Variants in CADPS2 observed in about 807,000 individuals in gnomAD.
CADPS2 encodes calcium-dependent secretion activator 2.
In CADPS2, 93 loss-of-function variants were observed where a neutral mutation model predicts 172.5. The observed-to-expected ratio is 0.54, with a 90% CI of 0.46 to 0.64. CADPS2 has a LOEUF of 0.64. CADPS2 is among the 30% of genes least tolerant of loss of function. The pLI, the probability that CADPS2 is intolerant of heterozygous loss-of-function variation, is 0.00. For synonymous variants in CADPS2, 546 were observed against 555.2 expected, an observed-to-expected ratio of 0.98 and a Z score of 0.23; for missense variants, 1,420 against 1,565.9, an observed-to-expected ratio of 0.91 and a Z score of 1.57.
chr7:122,617,815 G>A (rs149551007), intron 5 of CADPS2, among the ~76,000 whole-genome samples: 2,766 of 152,192 alleles, frequency 0.018, 81 homozygotes, highest in African/African-American at 0.062. Context: ...AGGCCAAGGC[G>A]GGCATATCAT....
chr7:122,536,391 A>G (rs2062276601), intron 8 of CADPS2, among the ~76,000 whole-genome samples: 2 of 152,078 alleles, frequency 1.3e-5, no homozygotes, highest in Non-Finnish European at 2.9e-5. Context: ...TTAAAAATAT[A>G]TAGTAGAAAG....
At position 122,674,712 on chromosome 7, in the gene CADPS2, G is replaced by A. The variant is rs529180789; in HGVS notation, c.454-11143C>T. On this transcript the variant is annotated intron_variant, in intron 2 of 29. Transcript: ENST00000449022. ...CTTTGATTTAAAAGGATTTTATAATGACGAGAAAAACATTATCTGCTTGCC... is the reference window on the plus strand; with the variant it reads ...CTTTGATTTAAAAGGATTTTATAATAACGAGAAAAACATTATCTGCTTGCC... Among the ~76,000 whole-genome samples the A allele has an allele frequency of 2.6e-5, 4 of 152,218 alleles. No individual in the cohort carries two copies. The East Asian group carries it at 7.8e-4, about 29-fold the overall frequency.
intron 13 of CADPS2, among the ~76,000 whole-genome samples, chr7:122,473,357 A>G (rs1051010431): frequency 8.6e-5 from 13 of 152,030 alleles, no homozygotes; most frequent in Non-Finnish European, 1.6e-4. Flanking sequence ...CTCCGAGCCT[A>G]CTCTGGCTTG....
chr7:122,420,983 A>C (rs766949463), intron 17 of CADPS2: 1 of 152,198 alleles, frequency 6.6e-6, no homozygotes, highest in Non-Finnish European at 1.5e-5. Context: ...ATTCTACTCC[A>C]TGGCTTAGAA....
At chr7:122,670,019 T>C (rs2081625837) in intron 2 of CADPS2, among the ~76,000 whole-genome samples, 1 of 151,852 alleles carries the variant, frequency 6.6e-6, no homozygotes, top group Non-Finnish European at 1.5e-5. Flanking sequence ...TTCTATCCTC[T>C]CAGGCCCTTC....
At chr7:122,683,560 A>C (rs1333735219) in intron 2 of CADPS2, among the ~76,000 whole-genome samples, 2 of 152,168 alleles carry the variant, frequency 1.3e-5, no homozygotes, top group Non-Finnish European at 2.9e-5. Context: ...TGTGCTTACA[A>C]AGTGGAATAA....
chr7:122,518,692 CAAA>C (rs1486324237), intron 8 of CADPS2, among the ~76,000 whole-genome samples: 1 of 151,848 alleles, frequency 6.6e-6, no homozygotes, highest in Non-Finnish European at 1.5e-5. Context: ...GTGATTAACT[CAAA>C]GAAGTTTTTT....
intron 28 of CADPS2, chr7:122,338,927 AT>A (rs72188819): frequency 0.15 from 21,059 of 137,676 alleles, 1,280 homozygotes; most frequent in African/African-American, 0.17. Flanking sequence ...TGCTAGGCTA[AT>A]TTTTTTTTTT....
At chr7:122,556,983 T>C (rs2065109454) in intron 7 of CADPS2, among the ~76,000 whole-genome samples, 1 of 152,092 alleles carries the variant, frequency 6.6e-6, no homozygotes, top group African/African-American at 2.4e-5. Flanking sequence ...CCCTATCATA[T>C]GTATATCTAA....
chr7:122,886,136 G>T lies in CADPS2; in HGVS notation c.202C>A (p.Arg68=), dbSNP rs1204139109. ...SPSPSVLSEG[R]DEPQRQLDDE... ...TCCAGCTGCCGCTGGGGCTCGTCTC[G>T]CCCCTCGCTGAGCACAGAGGGGCTC... Residue 68 remains arginine, a synonymous_variant, in exon 1 of 30, where the codon CGA becomes AGA. Coordinates refer to ENST00000449022, the MANE Select transcript of CADPS2 (RefSeq NM_017954.11). 2 of 1,552,966 alleles carry T rather than the reference G, an allele frequency of 1.3e-6. No individual in the cohort carries two copies. The highest frequency in any genetic ancestry group is 4.9e-5 in the East Asian group (2 of 41,230).
intron 6 of CADPS2, among the ~76,000 whole-genome samples, chr7:122,597,001 A>C (rs1359579534): frequency 6.6e-6 from 1 of 151,976 alleles, no homozygotes; most frequent in African/African-American, 2.4e-5. Context: ...TTACCTGGGG[A>C]GAGAGGACAC....
intron 1 of CADPS2, among the ~76,000 whole-genome samples, chr7:122,758,088 T>C (rs530496201): frequency 2.0e-5 from 3 of 152,076 alleles, no homozygotes; most frequent in Non-Finnish European, 4.4e-5. Flanking sequence ...AGCTTGCTTC[T>C]CCTTATACTT....
intron 3 of CADPS2, among the ~76,000 whole-genome samples, chr7:122,649,491 A>G (rs1293525797): frequency 2.0e-5 from 3 of 152,106 alleles, no homozygotes; most frequent in Non-Finnish European, 4.4e-5. Context: ...CCAGCATTAT[A>G]TGGGAAAATT....
chr7:122,736,405 A>T (rs955071670), intron 2 of CADPS2, among the ~76,000 whole-genome samples: 1 of 152,208 alleles, frequency 6.6e-6, no homozygotes, highest in African/African-American at 2.4e-5. Context: ...AACTCACTGA[A>T]GCAGTTAATG....
chr7:122,837,210 T>C (rs562677794), intron 1 of CADPS2, among the ~76,000 whole-genome samples: 3 of 151,944 alleles, frequency 2.0e-5, no homozygotes, highest in Admixed American at 2.0e-4. Context: ...GGCAGAAATA[T>C]AGATGTTCTT....
chr7:122,474,668 A>G, intron 12 of CADPS2, 151 bp from the exon 13 acceptor site: 1 of 685,630 alleles, frequency 1.5e-6, no homozygotes, highest in African/African-American at 1.8e-5. Flanking sequence ...ATATTAACAT[A>G]AATTGCAAAC....
chr7:122,613,723 G>A (rs530610477), intron 6 of CADPS2, among the ~76,000 whole-genome samples: 66 of 151,508 alleles, frequency 4.4e-4, no homozygotes, highest in African/African-American at 1.5e-3. Context: ...ACTGGATAGT[G>A]GTGATGATTA....
At chr7:122,334,733 G>A (rs2035576104) in intron 28 of CADPS2, among the ~76,000 whole-genome samples, 1 of 152,106 alleles carries the variant, frequency 6.6e-6, no homozygotes, top group African/African-American at 2.4e-5. Flanking sequence ...TTAATTATTA[G>A]TATCTATTTT....
chr7:122,787,385 T>A (rs1794291809), intron 1 of CADPS2, among the ~76,000 whole-genome samples: 1 of 152,214 alleles, frequency 6.6e-6, no homozygotes. Flanking sequence ...TTACTTGTTA[T>A]CAATTATAAA....
Sources: allele counts gnomAD v4.1 joint callset (sites outside exome capture counted in the v4.1 genomes callset), GRCh38; gene constraint gnomAD v4.1.1; transcripts MANE v1.5; gene names NCBI Gene and HGNC (gene_info 2026-07-23, HGNC 2026-07-21).